The following KANSL1 variants were observed in gnomAD, a reference collection of about 807,000 sequenced individuals.
KANSL1 encodes the protein KAT8 regulatory NSL complex subunit 1, also known as MLL1/MLL complex subunit KANSL1.
Under a neutral mutation model 103.6 loss-of-function variants are expected in KANSL1, and 22 were observed. The ratio of observed to expected loss-of-function variants is 0.21; its 90% confidence interval spans 0.15 to 0.30. The LOEUF is 0.30. Among genes scored for constraint, KANSL1 ranks in the 10% least tolerant of loss-of-function variants. The pLI is 1.00. For missense variants in KANSL1, 1,337 were observed against 1,399.8 expected (o/e 0.96, Z 0.72); for synonymous variants, 600 against 527.6 (o/e 1.14, Z -1.88).
upstream of KANSL1, among the ~76,000 whole-genome samples, chr17:46,194,217 T>G (rs777698302): frequency 4.9e-4 from 74 of 152,394 alleles, no homozygotes; most frequent in Admixed American, 1.0e-3. Context: ...CGTCTTGTTT[T>G]GGGTGTCATG....
At chr17:46,148,575 T>A (rs1262312757) in intron 2 of KANSL1, among the ~76,000 whole-genome samples, 8 of 151,222 alleles carry the variant, frequency 5.3e-5, no homozygotes, top group South Asian at 2.1e-4. Flanking sequence ...CAAATCACCA[T>A]CCTCCTTCAC....
chr17:46,158,165 G>A (rs2045533927), intron 2 of KANSL1, among the ~76,000 whole-genome samples: 2 of 152,228 alleles, frequency 1.3e-5, no homozygotes, highest in African/African-American at 4.8e-5. Flanking sequence ...GGTGCAAAAA[G>A]CACTAAGTAC....
At chr17:46,162,755 A>G (rs1418811661) in intron 2 of KANSL1, among the ~76,000 whole-genome samples, 1 of 152,226 alleles carries the variant, frequency 6.6e-6, no homozygotes, top group East Asian at 1.9e-4. Flanking sequence ...AGCCATGTCA[A>G]TGGCTTCACA....
At chr17:46,179,760 T>TG (rs2046693287) in intron 1 of KANSL1, among the ~76,000 whole-genome samples, 1 of 152,178 alleles carries the variant, frequency 6.6e-6, no homozygotes, top group South Asian at 2.1e-4. Context: ...GGCGACATTC[T>TG]GAAGGTTAAA....
intron 2 of KANSL1, among the ~76,000 whole-genome samples, chr17:46,146,832 C>CA (rs1023164178): frequency 0.099 from 3,557 of 35,922 alleles, 274 homozygotes; most frequent in African/African-American, 0.13. Context: ...GACTCCGTCT[C>CA]AAAAAAAAAA....
At chr17:46,082,610 A>T in intron 3 of KANSL1, 68 bp from the exon 4 acceptor site, 2 of 867,314 alleles carry the variant, frequency 2.3e-6, no homozygotes, top group Non-Finnish European at 3.6e-6. Context: ...TTTAGGAGTT[A>T]AGTCTCAAAA....
intron 2 of KANSL1, among the ~76,000 whole-genome samples, chr17:46,166,535 G>A (rs1462538729): frequency 6.6e-6 from 1 of 151,970 alleles, no homozygotes; most frequent in Non-Finnish European, 1.5e-5. Context: ...AAATTCCTGA[G>A]GGTGAGAAAA....
intron 4 of KANSL1, among the ~76,000 whole-genome samples, chr17:46,076,558 TG>T (rs939763096): frequency 6.6e-6 from 1 of 151,460 alleles, no homozygotes; most frequent in Non-Finnish European, 1.5e-5. Context: ...CATACATACT[TG>T]AAAATCAATG....
chr17:46,129,930 A>T (rs189571741), intron 2 of KANSL1, among the ~76,000 whole-genome samples: 1,897 of 152,206 alleles, frequency 0.012, 16 homozygotes, highest in Non-Finnish European at 0.022. Context: ...TCACACCTGT[A>T]ATTCTAGCAC....
chr17:46,092,330 T>A (rs187832510), intron 3 of KANSL1, among the ~76,000 whole-genome samples: 104 of 152,334 alleles, frequency 6.8e-4, no homozygotes, highest in African/African-American at 2.4e-3. Flanking sequence ...CTGTCATTAC[T>A]TCTGAGTGAT....
intron 4 of KANSL1, among the ~76,000 whole-genome samples, chr17:46,070,834 G>A (rs573246788): frequency 2.7e-4 from 41 of 152,054 alleles, no homozygotes; most frequent in Non-Finnish European, 5.7e-4. Context: ...AAGGTACTAC[G>A]TTTAAGTAAC....
intron 7 of KANSL1, 44 bp from the exon 8 acceptor site, chr17:46,039,928 C>T (rs1246029975): frequency 6.3e-7 from 1 of 1,577,828 alleles, no homozygotes. Flanking sequence ...AAACACCTGG[C>T]CTCTCTAGTG....
intron 2 of KANSL1, among the ~76,000 whole-genome samples, chr17:46,163,135 C>G (rs931197516): frequency 1.8e-4 from 28 of 152,212 alleles, no homozygotes; most frequent in African/African-American, 6.3e-4. Flanking sequence ...ATGTAATTAC[C>G]CGCTTAAATA....
chr17:46,083,295 G>A (rs112229773), intron 3 of KANSL1, among the ~76,000 whole-genome samples: 113 of 152,104 alleles, frequency 7.4e-4, no homozygotes, highest in African/African-American at 2.6e-3. Flanking sequence ...ACCAGAAGAG[G>A]TGACAAAAAT....
intron 2 of KANSL1, among the ~76,000 whole-genome samples, chr17:46,140,296 A>G (rs910610560): frequency 3.9e-5 from 6 of 152,310 alleles, no homozygotes; most frequent in African/African-American, 7.2e-5. Context: ...CATGATGGGG[A>G]AAAAAAGGTC....
At chr17:46,041,221 A>C (rs1413826960) in intron 7 of KANSL1, 1 of 152,246 alleles carries the variant, frequency 6.6e-6, no homozygotes, top group Non-Finnish European at 1.5e-5. Context: ...TTCTATAGAC[A>C]TAAGTACATC....
At chr17:46,102,550 C>G (rs1315620067) in intron 2 of KANSL1, among the ~76,000 whole-genome samples, 1 of 152,110 alleles carries the variant, frequency 6.6e-6, no homozygotes, top group Non-Finnish European at 1.5e-5. Context: ...GCACCCAGCC[C>G]CAGAGCCAAT....
At chr17:46,200,124 A>T (rs1211944602) in intron 1 of KANSL1, among the ~76,000 whole-genome samples, 1 of 152,194 alleles carries the variant, frequency 6.6e-6, no homozygotes, top group Non-Finnish European at 1.5e-5. Context: ...AGAATATTTT[A>T]AAATTCTCAA....
intron 4 of KANSL1, among the ~76,000 whole-genome samples, chr17:46,068,291 T>C (rs1433416554): frequency 1.3e-5 from 2 of 152,044 alleles, no homozygotes; most frequent in Non-Finnish European, 2.9e-5. Flanking sequence ...AGGCCGGGGA[T>C]GGTGGCTCAT....
Sources: allele counts gnomAD v4.1 joint callset (sites outside exome capture counted in the v4.1 genomes callset), GRCh38; gene constraint gnomAD v4.1.1; transcripts MANE v1.5; gene names NCBI Gene and HGNC (gene_info 2026-07-23, HGNC 2026-07-21).